EPB41L4B: variants seen among roughly 807,000 people sequenced by gnomAD.
EPB41L4B encodes erythrocyte membrane protein band 4.1 like 4B, also known as band 4.1-like protein 4B.
Under a neutral mutation model 112.5 loss-of-function variants are expected in EPB41L4B, and 30 were observed. The observed-to-expected ratio is 0.27, with a 90% CI of 0.20 to 0.36. The LOEUF is 0.36. EPB41L4B is among the 10% of genes least tolerant of loss of function. The probability of loss-of-function intolerance (pLI) is 1.00; values close to 1 mark genes in which losing one functional copy is unlikely to be tolerated. For synonymous variants in EPB41L4B, 408 were observed against 439.7 expected (o/e 0.93, Z 0.90); for missense variants, 1,024 against 1,133.3 (o/e 0.90, Z 1.38).
Position 109,194,233 on chromosome 9 carries a change from G to C in EPB41L4B, c.2210C>G (p.Ser737Cys), listed in dbSNP as rs1365194690. ...PHKSEGKGLLSPGAKSPSDRG... is the reference protein window; with the variant it reads ...PHKSEGKGLLCPGAKSPSDRG... Reference sequence around the variant, plus strand: ...ACCCCCCAATACCTTGGCCCCAGGGGACAGCAGGCCTTTGCCTTCTGACTT... The same window carrying C: ...ACCCCCCAATACCTTGGCCCCAGGGCACAGCAGGCCTTTGCCTTCTGACTT... The change falls in exon 21 of 26, where the codon TCC becomes TGC. Residue 737 changes from serine (S) to cysteine (C), a missense_variant. Coordinates refer to ENST00000374566, the MANE Select transcript of EPB41L4B (RefSeq NM_019114.5). 5 of 1,614,078 alleles carry C rather than the reference G, an allele frequency of 3.1e-6. No individual in the cohort carries two copies. Among genetic ancestry groups the C allele is most frequent in the Non-Finnish European group, 3.4e-6 (4 of 1,180,012 alleles).
chr9:109,204,165 C>T (rs1230149691), intron 18 of EPB41L4B, among the ~76,000 whole-genome samples: 9 of 152,206 alleles, frequency 5.9e-5, no homozygotes, highest in African/African-American at 2.2e-4. Context: ...ACAACCATAA[C>T]AGCCTGGCAG....
intron 1 of EPB41L4B, among the ~76,000 whole-genome samples, chr9:109,304,558 G>T (rs1171634066): frequency 6.6e-6 from 1 of 152,176 alleles, no homozygotes; most frequent in Non-Finnish European, 1.5e-5. Context: ...GTCAACAGCA[G>T]ACACCAGCAG....
chr9:109,286,732 G>A (rs1204148013), intron 1 of EPB41L4B, among the ~76,000 whole-genome samples: 1 of 152,170 alleles, frequency 6.6e-6, no homozygotes, highest in Non-Finnish European at 1.5e-5. Context: ...CACTGAACAA[G>A]TACTTCTTGA....
chr9:109,296,871 CAAAAA>C (rs748065925), intron 1 of EPB41L4B, among the ~76,000 whole-genome samples: 3 of 69,466 alleles, frequency 4.3e-5, no homozygotes, highest in African/African-American at 5.1e-5. Context: ...GGCCATGTCT[CAAAAA>C]AAAAAAAAAA....
intron 22 of EPB41L4B, among the ~76,000 whole-genome samples, chr9:109,190,743 G>T (rs1467583019): frequency 6.6e-6 from 1 of 152,194 alleles, no homozygotes; most frequent in Non-Finnish European, 1.5e-5. Context: ...ATGTGACTTG[G>T]GACAAGTGTC....
chr9:109,231,237 T>G (rs2118907846), intron 15 of EPB41L4B, among the ~76,000 whole-genome samples: 1 of 152,010 alleles, frequency 6.6e-6, no homozygotes, highest in African/African-American at 2.4e-5. Context: ...GGCCCAAAAC[T>G]TTTCCAATTT....
Position 109,216,972 on chromosome 9 carries a change from T to C in EPB41L4B, c.1583A>G (p.Asn528Ser), listed in dbSNP as rs984905074. Residue 528 changes from asparagine to serine, a missense_variant, in exon 16 of 26, where the codon AAC (asparagine) becomes AGC (serine). Coordinates refer to ENST00000374566, the MANE Select transcript of EPB41L4B (RefSeq NM_019114.5). Reference sequence around the variant, plus strand: ...TGGGGACCTCAGAGGCCCCTCTTTGTTCTCCAGGGTCAGTGAGAGGCTGTA... The same window carrying C: ...TGGGGACCTCAGAGGCCCCTCTTTGCTCTCCAGGGTCAGTGAGAGGCTGTA... ...SNYSLSLTLE[N>S]KEGPLRSPNS... is the part of the protein sequence containing the mutation. The C allele has an allele frequency of 1.1e-5, 17 of 1,614,094 alleles. No individual in the cohort carries two copies. The highest frequency in any genetic ancestry group is 1.4e-5 in the Non-Finnish European group (16 of 1,180,042).
intron 14 of EPB41L4B, among the ~76,000 whole-genome samples, chr9:109,246,675 C>T (rs1198573832): frequency 6.6e-6 from 1 of 152,200 alleles, no homozygotes; most frequent in African/African-American, 2.4e-5. Context: ...AGAGAGAGAG[C>T]CACCCACAGT....
chr9:109,311,819 G>C (rs2119268521), intron 1 of EPB41L4B, among the ~76,000 whole-genome samples: 1 of 152,288 alleles, frequency 6.6e-6, no homozygotes, highest in African/African-American at 2.4e-5. Flanking sequence ...AATTCAATCT[G>C]GCTCTCCCAT....
chr9:109,220,466 C>T lies in EPB41L4B; in HGVS notation c.1410-3321G>A, dbSNP rs146321930. Among the ~76,000 whole-genome samples the T allele has an allele frequency of 4.6e-3, 705 of 152,320 alleles. 3 individuals carry two copies. Among genetic ancestry groups the T allele is most frequent in the Non-Finnish European group, 7.6e-3 (518 of 68,026 alleles). On this transcript the variant is annotated intron_variant, in intron 15 of 25. Transcript: ENST00000374566. ...GTTGGGGAGAGACTCCAGTATCTCT[C>T]TGTTAGGAGACTGCCGCAGGGCGGG...
At chr9:109,246,863 A>C (rs1179452513) in intron 14 of EPB41L4B, among the ~76,000 whole-genome samples, 1 of 152,248 alleles carries the variant, frequency 6.6e-6, no homozygotes, top group African/African-American at 2.4e-5. Flanking sequence ...CTAGCACATC[A>C]CCTAGCACAG....
At chr9:109,187,103 TG>T (rs1329432751) in intron 22 of EPB41L4B, among the ~76,000 whole-genome samples, 1 of 152,172 alleles carries the variant, frequency 6.6e-6, no homozygotes, top group Non-Finnish European at 1.5e-5. Context: ...AGGGTTATTT[TG>T]GGTTTCAGGG....
intron 15 of EPB41L4B, chr9:109,240,178 T>C (rs866029753): frequency 2.2e-5 from 22 of 985,286 alleles, no homozygotes; most frequent in Admixed American, 1.2e-4. Flanking sequence ...ATAATCTTTA[T>C]TCCTTGGAAA....
intron 22 of EPB41L4B, among the ~76,000 whole-genome samples, chr9:109,189,975 GCCC>G (rs1470760416): frequency 6.6e-6 from 1 of 151,970 alleles, no homozygotes; most frequent in Non-Finnish European, 1.5e-5. Flanking sequence ...TCGCTTTGTT[GCCC>G]AGGCTGGAAT....
intron 15 of EPB41L4B, chr9:109,240,932 A>C (rs1276037123): frequency 1.0e-6 from 1 of 985,364 alleles, no homozygotes; most frequent in African/African-American, 1.7e-5. Context: ...ATGCAATTTA[A>C]GATTAGTACG....
intron 1 of EPB41L4B, among the ~76,000 whole-genome samples, chr9:109,293,373 T>C (rs1417468171): frequency 1.1e-5 from 1 of 93,256 alleles, no homozygotes; most frequent in East Asian, 3.2e-4. Context: ...AATAAACATA[T>C]GCATTCTTTT....
intron 15 of EPB41L4B, among the ~76,000 whole-genome samples, chr9:109,238,719 A>T (rs2118943838): frequency 6.6e-6 from 1 of 152,312 alleles, no homozygotes; most frequent in Middle Eastern, 3.4e-3. Context: ...CAATTTGCAG[A>T]GGTGGGGCCG....
rs1832572554 is a variant in EPB41L4B, at chr9:109,194,397, A to G, written c.2046T>C (p.Phe682=). The G allele has an allele frequency of 6.2e-7, 1 of 1,613,570 alleles. No individual in the cohort carries two copies. The highest frequency in any genetic ancestry group is 1.7e-5 in the Admixed American group (1 of 59,958). ...GGTCTGGAGGGAGGTCGTCTTCATC[A>G]CTGCGGTTACTAAAAGCACATGAAG... The part of the protein sequence containing the change: ...RVRKLTRQYS[F]DEDDLPPDLA... Residue 682 remains phenylalanine (F), a splice_region_variant and synonymous_variant, in exon 21 of 26, where the codon TTT becomes TTC. Coordinates refer to ENST00000374566, the MANE Select transcript of EPB41L4B (RefSeq NM_019114.5).
Position 109,247,801 on chromosome 9 carries a change from A to C in EPB41L4B, c.1311-12T>G. 6.7e-7 allele frequency: 1 copy of C among 1,491,850 alleles called. No homozygotes were observed. Among genetic ancestry groups the C allele is most frequent in the Non-Finnish European group, 8.9e-7 (1 of 1,119,472 alleles). 92.4% of individuals were successfully genotyped at this position (1,491,850 alleles called of 1,614,324 possible). ...GATTTGTTTTAGAGCTAAACAAACA[A>C]ACAAACAAAAAACAGAAAAAAAAAG... On this transcript the variant is annotated splice_polypyrimidine_tract_variant and intron_variant, in intron 13 of 25. Coordinates refer to ENST00000374566, the MANE Select transcript of EPB41L4B (RefSeq NM_019114.5).
Sources: allele counts gnomAD v4.1 joint callset (sites outside exome capture counted in the v4.1 genomes callset), GRCh38; gene constraint gnomAD v4.1.1; transcripts MANE v1.5; gene names NCBI Gene and HGNC (gene_info 2026-07-23, HGNC 2026-07-21).